Variants in LMO4 observed in about 807,000 individuals in gnomAD.
LMO4 encodes the protein LIM domain only 4.
In LMO4, 3 loss-of-function variants were observed where a neutral mutation model predicts 18.5. That is an observed-to-expected ratio of 0.16 (90% CI 0.07 to 0.42). The LOEUF (loss-of-function observed/expected upper bound fraction) is 0.42. Ranked by LOEUF, LMO4 falls within the 10% of genes least tolerant of loss-of-function variation. The pLI is 0.99. For missense variants in LMO4, 121 were observed against 219.9 expected, an observed-to-expected ratio of 0.55 and a Z score of 2.84; for synonymous variants, 100 against 88.1, an observed-to-expected ratio of 1.14 and a Z score of -0.76.
At chr1:87,343,784 T>C (rs767003802) in intron 4 of LMO4, among the ~76,000 whole-genome samples, 1 of 152,214 alleles carries the variant, frequency 6.6e-6, no homozygotes, top group Non-Finnish European at 1.5e-5. Context: ...AATTAAGCCT[T>C]CACCACTTTA....
chr1:87,330,004 CTTTTTT>C (rs895271767), intron 1 of LMO4, among the ~76,000 whole-genome samples: 3 of 127,216 alleles, frequency 2.4e-5, no homozygotes, highest in Non-Finnish European at 3.5e-5. Flanking sequence ...TAAAAGCTTT[CTTTTTT>C]TTTTTTTTTT....
At chr1:87,338,418 C>A (rs1321013712) in intron 2 of LMO4, among the ~76,000 whole-genome samples, 1 of 152,178 alleles carries the variant, frequency 6.6e-6, no homozygotes, top group African/African-American at 2.4e-5. Flanking sequence ...AAAACTACCT[C>A]TCTGATTCTG....
chr1:87,335,586 G>A (rs796349793), intron 2 of LMO4, among the ~76,000 whole-genome samples: 30 of 152,218 alleles, frequency 2.0e-4, no homozygotes, highest in African/African-American at 7.2e-4. Context: ...GGGGCCTGGG[G>A]CGAGGGTGGG....
chr1:87,331,897 T>A, intron 1 of LMO4, 116 bp from the exon 2 acceptor site: 1 of 847,304 alleles, frequency 1.2e-6, no homozygotes, highest in Non-Finnish European at 1.9e-6. Context: ...TGCTGTTTCC[T>A]TCCAGCAGCT....
chr1:87,337,142 T>TA (rs1191734635), intron 2 of LMO4, among the ~76,000 whole-genome samples: 3 of 152,344 alleles, frequency 2.0e-5, no homozygotes, highest in Non-Finnish European at 2.9e-5. Flanking sequence ...ACTCCATTGA[T>TA]ACGTTGTTCA....
At chr1:87,329,901 C>G (rs746445653) in intron 1 of LMO4, among the ~76,000 whole-genome samples, 2 of 152,114 alleles carry the variant, frequency 1.3e-5, no homozygotes. Flanking sequence ...CAGATTTTGC[C>G]TCTAGCTGCC....
At chr1:87,342,961 C>T (rs1650536350) in intron 4 of LMO4, among the ~76,000 whole-genome samples, 1 of 152,160 alleles carries the variant, frequency 6.6e-6, no homozygotes, top group African/African-American at 2.4e-5. Flanking sequence ...ATTTTCTCCT[C>T]TCTCGTTCTC....
At position 87,344,057 on chromosome 1, in the gene LMO4, A is replaced by T. The variant is rs557434882; in HGVS notation, c.490-731A>T. Among the ~76,000 whole-genome samples the T allele has an allele frequency of 2.0e-5, 3 of 152,340 alleles. No individual in the cohort carries two copies. In the South Asian group the frequency reaches 6.2e-4, roughly 32 times the overall value. ...CTATCACAGGTCATTAACACATTGC[A>T]TGTATTGAATCACATATTTGTGTAG... On this transcript the variant is annotated intron_variant, in intron 4 of 4. Coordinates refer to ENST00000370544, the MANE Select transcript of LMO4 (RefSeq NM_006769.4).
chr1:87,331,715 GCT>G (rs1473205217), intron 1 of LMO4: 2 of 406,544 alleles, frequency 4.9e-6, no homozygotes, highest in East Asian at 3.9e-5. Flanking sequence ...AGCGGAGCCT[GCT>G]CTCGGAGTTT....
At chr1:87,339,162 T>G (rs1224979954) in intron 2 of LMO4, among the ~76,000 whole-genome samples, 1 of 152,172 alleles carries the variant, frequency 6.6e-6, no homozygotes, top group African/African-American at 2.4e-5. Context: ...ATGATTAAAG[T>G]ACAAAAGAGT....
At position 87,347,384 on chromosome 1, in the gene LMO4, A is replaced by G. The variant is rs973369324; in HGVS notation, c.*2588A>G. The G allele has an allele frequency of 2.0e-5, 3 of 152,152 alleles. No homozygotes were observed. Among genetic ancestry groups the G allele is most frequent in the Non-Finnish European group, 4.4e-5 (3 of 68,026 alleles). 9.4% of individuals were successfully genotyped at this position (152,152 alleles called of 1,614,324 possible). A position where few individuals can be genotyped will look rare whatever the true frequency, so the allele number is the denominator to read the frequency against. On this transcript the variant is annotated 3_prime_UTR_variant, in exon 5 of 5. Transcript: ENST00000370544. ...GGATGCTCTGTGTGGATAGAAAGCT[A>G]CTAAAAACACTCAGGTTTATTCTGA... is the stretch of plus-strand genomic sequence containing the variant.
chr1:87,337,262 T>C (rs1192737825), intron 2 of LMO4, among the ~76,000 whole-genome samples: 1 of 152,236 alleles, frequency 6.6e-6, no homozygotes, highest in Non-Finnish European at 1.5e-5. Flanking sequence ...TGAAAGGTTA[T>C]GATAGCAGCC....
chr1:87,336,163 C>A (rs1281530430), intron 2 of LMO4, among the ~76,000 whole-genome samples: 1 of 152,126 alleles, frequency 6.6e-6, no homozygotes, highest in African/African-American at 2.4e-5. Flanking sequence ...GGTTGCATTT[C>A]TTTGTTACAT....
chr1:87,345,160 C>T lies in LMO4; in HGVS notation c.*364C>T, dbSNP rs1464170485. The stretch of plus-strand genomic sequence containing the variant: ...ACCCTCATTAACAATTAGCAGGGCA[C>T]TGGCCAGAGTTTGTACCCTGTGTTT... On this transcript the variant is annotated 3_prime_UTR_variant, in exon 5 of 5. Transcript: ENST00000370544. 8.6e-6 allele frequency: 2 copies of T among 231,954 alleles called. No homozygotes were observed. The highest frequency in any genetic ancestry group is 1.8e-4 in the East Asian group (2 of 11,084). The allele number at this position is 231,954 out of a possible 1,614,324, so 14.4% of individuals were successfully genotyped here.
intron 1 of LMO4, 184 bp from the exon 2 acceptor site, chr1:87,331,829 G>C: frequency 3.4e-6 from 2 of 586,168 alleles, no homozygotes; most frequent in Non-Finnish European, 6.1e-6. Flanking sequence ...ACAGGCGGCT[G>C]CTGCCGGCGA....
intron 4 of LMO4, among the ~76,000 whole-genome samples, chr1:87,341,352 C>T (rs1650468074): frequency 1.3e-5 from 2 of 152,080 alleles, no homozygotes; most frequent in Admixed American, 6.5e-5. Flanking sequence ...TCACACAGCA[C>T]TGAGTTATTG....
chr1:87,335,203 C>T (rs924270312), intron 2 of LMO4, among the ~76,000 whole-genome samples: 1 of 152,334 alleles, frequency 6.6e-6, no homozygotes, highest in African/African-American at 2.4e-5. Flanking sequence ...GCTTCGGAAA[C>T]TCCGTTTCTC....
chr1:87,335,043 G>A (rs1160627519), intron 2 of LMO4, among the ~76,000 whole-genome samples: 2 of 151,060 alleles, frequency 1.3e-5, no homozygotes, highest in African/African-American at 4.9e-5. Flanking sequence ...ATGAAGGGGG[G>A]GGGGTTGTAG....
intron 2 of LMO4, among the ~76,000 whole-genome samples, chr1:87,335,341 C>T (rs924414002): frequency 1.3e-5 from 2 of 152,082 alleles, no homozygotes; most frequent in African/African-American, 4.8e-5. Flanking sequence ...GGAAACGCGC[C>T]GGAAGCCAGG....
Sources: allele counts gnomAD v4.1 joint callset (sites outside exome capture counted in the v4.1 genomes callset), GRCh38; gene constraint gnomAD v4.1.1; transcripts MANE v1.5; gene names NCBI Gene and HGNC (gene_info 2026-07-23, HGNC 2026-07-21).